Variants in COL22A1 observed in about 807,000 individuals in gnomAD.
COL22A1 encodes the protein collagen alpha-1(XXII) chain.
COL22A1 carries 221 observed loss-of-function variants against 248.9 expected under a neutral mutation model. The ratio of observed to expected loss-of-function variants is 0.89; its 90% CI spans 0.80 to 0.99. COL22A1 has a LOEUF of 0.99. Among genes scored for constraint, COL22A1 ranks in the 50% least tolerant of loss-of-function variants. The pLI, the probability that COL22A1 is intolerant of heterozygous loss-of-function variation, is 0.00. For missense variants in COL22A1, 2,240 were observed against 2,179.0 expected (o/e 1.03, Z -0.56); for synonymous variants, 891 against 793.4 (o/e 1.12, Z -2.07).
chr8:138,911,100 A>G (rs1009700247), intron 1 of COL22A1, among the ~76,000 whole-genome samples: 5 of 152,240 alleles, frequency 3.3e-5, no homozygotes, highest in African/African-American at 1.2e-4. Flanking sequence ...GCCTTACAAC[A>G]GCCATCCCAT....
chr8:138,763,174 G>A (rs1833639591), intron 16 of COL22A1, among the ~76,000 whole-genome samples: 1 of 152,116 alleles, frequency 6.6e-6, no homozygotes, highest in African/African-American at 2.4e-5. Context: ...ATCACCTGAG[G>A]TCAAGAGTTA....
chr8:138,778,022 C>T (rs1435029511), intron 15 of COL22A1: 6 of 412,006 alleles, frequency 1.5e-5, no homozygotes, highest in Non-Finnish European at 2.7e-5. Flanking sequence ...GAGTACAGTA[C>T]AGGACAGGCT....
chr8:138,598,691 G>A (rs764695153), intron 61 of COL22A1, 28 bp downstream of exon 61: 44 of 1,591,630 alleles, frequency 2.8e-5, no homozygotes, highest in Middle Eastern at 2.1e-4. Flanking sequence ...GAGGAGCCCC[G>A]AGTCCAAAGC....
intron 12 of COL22A1, among the ~76,000 whole-genome samples, chr8:138,793,529 G>A (rs148937041): frequency 7.2e-5 from 11 of 152,286 alleles, no homozygotes; most frequent in East Asian, 3.9e-4. Flanking sequence ...AATATGTGGC[G>A]GAATCTAGAC....
At chr8:138,693,585 A>T (rs1362103622) in intron 35 of COL22A1, 61 bp downstream of exon 35, 1 of 1,502,362 alleles carries the variant, frequency 6.7e-7, no homozygotes, top group African/African-American at 1.4e-5. Flanking sequence ...AGCAGAGCAG[A>T]CACTGGGCGG....
At chr8:138,720,014 C>CCA (rs1402750770) in intron 27 of COL22A1, among the ~76,000 whole-genome samples, 1 of 152,186 alleles carries the variant, frequency 6.6e-6, no homozygotes, top group Non-Finnish European at 1.5e-5. Flanking sequence ...CACACTCACA[C>CCA]CACACACACA....
In COL22A1 at chr8:138,635,109, C is replaced by CT. The variant is rs757179730; in HGVS notation, c.3556-47dup. Reference sequence around the variant, plus strand: ...ATTCTTTAAAATGACTTGAAAAATACTTTTTACTTTGTGCAAATATCAAAT... The same window carrying CT: ...ATTCTTTAAAATGACTTGAAAAATACTTTTTTACTTTGTGCAAATATCAAAT... On this transcript the variant is annotated intron_variant, in intron 48 of 64. Coordinates refer to ENST00000303045, the MANE Select transcript of COL22A1 (RefSeq NM_152888.3). 1.9e-5 allele frequency: 27 copies of CT among 1,458,622 alleles called. No individual in the cohort carries two copies. The South Asian group carries it at 3.2e-4, about 17-fold the overall frequency. The allele number at this position is 1,458,622 out of a possible 1,614,324, so 90.4% of individuals were successfully genotyped here.
At position 138,878,038 on chromosome 8, in the gene COL22A1, T is replaced by G; in HGVS notation, c.370A>C (p.Ile124Leu). Reference protein sequence around the residue: ...NTNTGDALRYITARSFSPHAG... With the variant: ...NTNTGDALRYLTARSFSPHAG... ...TGTGGGGAGAAGCTGCGGGCCGTGA[T>G]GTAGCGGAGCGCGTCTCCCGTGTTG... Residue 124 changes from isoleucine (I) to leucine (L), a missense_variant, in exon 3 of 65, where the codon ATC (isoleucine) becomes CTC (leucine). Coordinates refer to ENST00000303045, the MANE Select transcript of COL22A1 (RefSeq NM_152888.3). 3 of 1,592,418 alleles carry G rather than the reference T, an allele frequency of 1.9e-6. No homozygotes were observed. The highest frequency in any genetic ancestry group is 3.3e-4 in the Middle Eastern group (2 of 6,034).
intron 30 of COL22A1, among the ~76,000 whole-genome samples, chr8:138,711,199 G>A (rs1828935550): frequency 6.6e-6 from 1 of 152,166 alleles, no homozygotes; most frequent in Non-Finnish European, 1.5e-5. Context: ...TTGACTGTCA[G>A]CGCCCCTTGC....
intron 19 of COL22A1, 98 bp from the exon 20 acceptor site, chr8:138,755,609 C>T (rs1832933269): frequency 2.8e-6 from 4 of 1,429,742 alleles, no homozygotes; most frequent in Non-Finnish European, 3.9e-6. Flanking sequence ...ACAGGCCATG[C>T]TGTCATGTCG....
intron 46 of COL22A1, among the ~76,000 whole-genome samples, chr8:138,648,189 C>T (rs1174054087): frequency 6.6e-6 from 1 of 152,106 alleles, no homozygotes; most frequent in Non-Finnish European, 1.5e-5. Context: ...TAGCACTGGC[C>T]CCTGTTCCTT....
At chr8:138,668,431 A>T (rs1290437761) in intron 41 of COL22A1, among the ~76,000 whole-genome samples, 1 of 152,248 alleles carries the variant, frequency 6.6e-6, no homozygotes, top group African/African-American at 2.4e-5. Context: ...TATATCACAC[A>T]TATGAATACA....
At chr8:138,847,443 C>T (rs1463253035) in intron 3 of COL22A1, among the ~76,000 whole-genome samples, 3 of 152,146 alleles carry the variant, frequency 2.0e-5, no homozygotes, top group African/African-American at 7.2e-5. Context: ...ATAATGCCAC[C>T]TTAGTTCAGA....
rs187007140 is a variant in COL22A1 at position 138,607,742 on chromosome 8, A to G, written c.4032+194T>C. 1.2e-4 allele frequency among the ~76,000 whole-genome samples: 18 copies of G among 152,304 alleles called. 1 individual carries two copies. The East Asian group carries it at 3.5e-3, about 29-fold the overall frequency. On this transcript the variant is annotated intron_variant, in intron 57 of 64. Transcript: ENST00000303045. ...TACGGTTATAGTCAACAAAGAGCCA[A>G]TCGCATGATATATACTTTAAACCTT...
At chr8:138,707,107 T>C (rs1353475660) in intron 30 of COL22A1, among the ~76,000 whole-genome samples, 1 of 152,132 alleles carries the variant, frequency 6.6e-6, no homozygotes, top group Non-Finnish European at 1.5e-5. Context: ...AATCCCTGAA[T>C]AGAACAATAA....
intron 44 of COL22A1, 82 bp from the exon 45 acceptor site, chr8:138,656,026 T>A: frequency 8.5e-7 from 1 of 1,171,560 alleles, no homozygotes; most frequent in South Asian, 1.2e-5. Context: ...GCAAAAGGAC[T>A]TTAAAGTGTG....
chr8:138,685,276 C>T lies in COL22A1; in HGVS notation c.2899G>A (p.Gly967Ser). The T allele has an allele frequency of 6.2e-7, 1 of 1,613,914 alleles. No homozygotes were observed. The highest frequency in any genetic ancestry group is 8.5e-7 in the Non-Finnish European group (1 of 1,179,914). The change falls in exon 38 of 65, where the codon GGT (glycine) becomes AGT (serine). Residue 967 changes from glycine (G) to serine (S), a missense_variant. Transcript: ENST00000303045. ...AGEEGSPGPV[G>S]PRGDPGAPGL... ...GGAGCACCAGGATCTCCCCTGGGAC[C>T]AACTGGCCCTGGGCTGCCTTCTTCC...
chr8:138,886,382 G>C (rs1824668118), intron 1 of COL22A1, among the ~76,000 whole-genome samples: 1 of 152,004 alleles, frequency 6.6e-6, no homozygotes, highest in Non-Finnish European at 1.5e-5. Flanking sequence ...GTGCTCAGTT[G>C]ATGTTCATAT....
At chr8:138,634,953 A>C in intron 49 of COL22A1, 57 bp downstream of exon 49, 1 of 1,125,402 alleles carries the variant, frequency 8.9e-7, no homozygotes. Flanking sequence ...TGGTGAGTTG[A>C]GATGTGCATT....
Sources: gnomAD v4.1 joint callset for allele counts (sites outside exome capture counted in the v4.1 genomes callset) on GRCh38, gnomAD v4.1.1 for gene constraint, MANE v1.5 for transcripts, NCBI Gene and HGNC (gene_info 2026-07-23, HGNC 2026-07-21) for gene names.